BRF2: variants seen among roughly 807,000 people sequenced by gnomAD.
BRF2 encodes BRF2 general transcription factor IIIB subunit.
A neutral mutation model predicts 26.6 loss-of-function variants in BRF2; 17 were observed. The observed-to-expected ratio is 0.64, with a 90% CI of 0.44 to 0.96. The LOEUF (loss-of-function observed/expected upper bound fraction) is 0.96, where lower values mean the gene tolerates loss of function less well. Among genes scored for constraint, BRF2 ranks in the 40% least tolerant of loss-of-function variants. The pLI is 0.00. For missense variants in BRF2, 515 were observed against 537.0 expected (o/e 0.96, Z 0.40); for synonymous variants, 219 against 226.6 (o/e 0.97, Z 0.30).
Position 37,849,739 on chromosome 8 carries a change from C to G in BRF2, c.45G>C (p.Leu15=). 6.2e-7 allele frequency: 1 copy of G among 1,613,340 alleles called. No homozygotes were observed. Among genetic ancestry groups the G allele is most frequent in the Non-Finnish European group, 8.5e-7 (1 of 1,179,974 alleles). ...GRCPDCGSTE[L]VEDSHYSQSQ... ...TCTGCGAATAGTGCGAGTCTTCCAC[C>G]AGCTCCGTGGAGCCGCAGTCCGGGC... The change falls in exon 1 of 4, where the codon CTG becomes CTC. Residue 15 remains leucine (L), a synonymous_variant. Coordinates refer to ENST00000220659, the MANE Select transcript of BRF2 (RefSeq NM_018310.4).
At chr8:37,845,629 G>C in intron 3 of BRF2, 1 of 684,270 alleles carries the variant, frequency 1.5e-6, no homozygotes, top group Non-Finnish European at 2.6e-6. Flanking sequence ...AAAAAGAAAA[G>C]AACATAGCTA....
At position 37,849,712 on chromosome 8, in the gene BRF2, G is replaced by A. The variant is rs1295475845; in HGVS notation, c.72C>T (p.Ser24=). 2 of 1,613,710 alleles carry A rather than the reference G, an allele frequency of 1.2e-6. No individual in the cohort carries two copies. The highest frequency in any genetic ancestry group is 2.2e-5 in the East Asian group (1 of 44,882). ...ELVEDSHYSQ[S]QLVCSDCGCV... is the part of the protein sequence containing the mutation. ...AGCCGCAGTCGGAGCACACCAGCTG[G>A]CTCTGCGAATAGTGCGAGTCTTCCA... Residue 24 remains serine (S), a synonymous_variant, in exon 1 of 4, where the codon AGC becomes AGT. Transcript: ENST00000220659.
chr8:37,844,967 C>T lies in BRF2; in HGVS notation c.783G>A (p.Pro261=), dbSNP rs200302681. Residue 261 remains proline, a synonymous_variant, in exon 4 of 4, where the codon CCG becomes CCA. Transcript: ENST00000220659. ...CKLANVDLPY[P]ASSRLQELLA... is the part of the protein sequence containing the mutation. ...GCAGCTCCTGCAGGCGGGAGGACGC[C>T]GGGTAGGGCAGGTCCACATTTGCCA... 35 of 1,614,030 alleles carry T rather than the reference C, an allele frequency of 2.2e-5. No homozygotes were observed. The Middle Eastern group carries it at 6.6e-4, about 30-fold the overall frequency.
Position 37,846,838 on chromosome 8 carries a change from C to T in BRF2, c.536+16G>A. On this transcript the variant is annotated intron_variant, in intron 3 of 3. Transcript: ENST00000220659. ...CCCATCCCATCCCATCCTACTGTCT[C>T]CCACCAGGGACGTACCTGCTGCAAT... The T allele has an allele frequency of 6.3e-7, 1 of 1,592,540 alleles. No homozygotes were observed. Among genetic ancestry groups the T allele is most frequent in the Non-Finnish European group, 8.6e-7 (1 of 1,162,050 alleles).
In BRF2 at chr8:37,844,800, G is replaced by C. The variant is rs1190525418; in HGVS notation, c.950C>G (p.Ala317Gly). 1.9e-6 allele frequency: 3 copies of C among 1,614,136 alleles called. No individual in the cohort carries two copies. Among genetic ancestry groups the C allele is most frequent in the Non-Finnish European group, 2.5e-6 (3 of 1,180,024 alleles). Reference sequence around the variant, plus strand: ...CTCCTTCTCTCGGGTCTCCACTTCTGCTGTCCCATCCCGAAAGGCAGAGCG... The same window carrying C: ...CTCCTTCTCTCGGGTCTCCACTTCTCCTGTCCCATCCCGAAAGGCAGAGCG... ...LVRSAFRDGT[A>G]EVETREKEPP... Residue 317 changes from alanine (A) to glycine (G), a missense_variant, in exon 4 of 4, where the codon GCA becomes GGA. Transcript: ENST00000220659.
chr8:37,849,603 C>G, intron 1 of BRF2, 27 bp downstream of exon 1: 9 of 1,600,812 alleles, frequency 5.6e-6, no homozygotes, highest in Non-Finnish European at 7.7e-6. Flanking sequence ...CTCCACCGCC[C>G]CAGGCTGTCC....
At chr8:37,845,643 C>T in intron 3 of BRF2, 1 of 691,688 alleles carries the variant, frequency 1.4e-6, no homozygotes, top group South Asian at 1.5e-5. Context: ...ATAGCTACTT[C>T]AAATGAGAAA....
intron 1 of BRF2, 37 bp downstream of exon 1, chr8:37,849,593 C>T (rs1484258104): frequency 6.4e-7 from 1 of 1,572,356 alleles, no homozygotes; most frequent in South Asian, 1.1e-5. Context: ...ATGTTAATCC[C>T]TCCACCGCCC....
chr8:37,849,804 C>G lies in BRF2; in HGVS notation c.-21G>C. The G allele has an allele frequency of 6.3e-7, 1 of 1,592,354 alleles. No homozygotes were observed. Among genetic ancestry groups the G allele is most frequent in the Non-Finnish European group, 8.5e-7 (1 of 1,171,918 alleles). On this transcript the variant is annotated 5_prime_UTR_variant, in exon 1 of 4. Transcript: ENST00000220659. ...GGCATCTCACAACCGGCCCCAAAGCCGCGGAAGCCTTCAGAGACTCCTGGG... is the reference window on the plus strand; with the variant it reads ...GGCATCTCACAACCGGCCCCAAAGCGGCGGAAGCCTTCAGAGACTCCTGGG...
Position 37,845,190 on chromosome 8 carries a change from G to A in BRF2, c.560C>T (p.Pro187Leu). 6.2e-7 allele frequency: 1 copy of A among 1,611,630 alleles called. No homozygotes were observed. The highest frequency in any genetic ancestry group is 1.1e-5 in the South Asian group (1 of 91,052). Residue 187 changes from proline to leucine, a missense_variant, in exon 4 of 4, where the codon CCT becomes CTT. By Grantham distance (98) the Pro-to-Leu change is moderately conservative. Transcript: ENST00000220659. Reference sequence around the variant, plus strand: ...TTCCACGTATTTGGCTGGCACAGAAGGTGAAGCTTGGAACAGTTTGAAGCT... The same window carrying A: ...TTCCACGTATTTGGCTGGCACAGAAAGTGAAGCTTGGAACAGTTTGAAGCT... ...CSSFKLFQAS[P>L]SVPAKYVEDK...
intron 2 of BRF2, chr8:37,847,486 A>G: frequency 2.1e-6 from 1 of 467,110 alleles, no homozygotes; most frequent in Non-Finnish European, 4.1e-6. Flanking sequence ...CCCAAACCTT[A>G]TACTGAATTG....
Position 37,844,633 on chromosome 8 carries a change from G to A in BRF2, c.1117C>T (p.Pro373Ser), listed in dbSNP as rs762935126. 4 of 1,614,106 alleles carry A rather than the reference G, an allele frequency of 2.5e-6. No individual in the cohort carries two copies. In the Admixed American group the frequency reaches 5.0e-5, roughly 20 times the overall value. ...TCTCCAGTGACAGTGGAGACAGGGG[G>A]TACAGGGCAGATCCGCTTCGGGGAC... Reference protein sequence around the residue: ...LKSPKRICPVPPVSTVTGDEN... With the variant: ...LKSPKRICPVSPVSTVTGDEN... The change falls in exon 4 of 4, where the codon CCC (proline) becomes TCC (serine). Residue 373 changes from proline to serine, a missense_variant. Pro to Ser is a moderately conservative substitution (Grantham distance 74). Coordinates refer to ENST00000220659, the MANE Select transcript of BRF2 (RefSeq NM_018310.4).
In BRF2 at chr8:37,846,962, T is replaced by C. The variant is rs1225146517; in HGVS notation, c.428A>G (p.Tyr143Cys). The change falls in exon 3 of 4, where the codon TAT becomes TGT. Residue 143 changes from tyrosine to cysteine, a missense_variant. Physicochemically the swap from Tyr to Cys is radical, Grantham distance 194. Coordinates refer to ENST00000220659, the MANE Select transcript of BRF2 (RefSeq NM_018310.4). ...GCTAGAAAACACATCCAAATCTGCA[T>C]ACAACAGCGTGCAGATGGCCCCCAT... Reference protein sequence around the residue: ...LTMGAICTLLYADLDVFSSTY... With the variant: ...LTMGAICTLLCADLDVFSSTY... 6.2e-7 allele frequency: 1 copy of C among 1,613,980 alleles called. No homozygotes were observed. Among genetic ancestry groups the C allele is most frequent in the South Asian group, 1.1e-5 (1 of 91,086 alleles).
At chr8:37,848,743 T>A in intron 1 of BRF2, 88 bp from the exon 2 acceptor site, 1 of 1,082,022 alleles carries the variant, frequency 9.2e-7, no homozygotes, top group Non-Finnish European at 1.4e-6. Context: ...GACGCAAAAT[T>A]CAAATCATTG....
chr8:37,844,803 G>A lies in BRF2; in HGVS notation c.947C>T (p.Thr316Ile). The change falls in exon 4 of 4, where the codon ACA (threonine) becomes ATA (isoleucine). Residue 316 changes from threonine to isoleucine, a missense_variant. Physicochemically the swap from Thr to Ile is moderately conservative, Grantham distance 89. Coordinates refer to ENST00000220659, the MANE Select transcript of BRF2 (RefSeq NM_018310.4). ...SLVRSAFRDG[T>I]AEVETREKEP... is the part of the protein sequence containing the mutation. ...CTTCTCTCGGGTCTCCACTTCTGCT[G>A]TCCCATCCCGAAAGGCAGAGCGGAC... 6.2e-7 allele frequency: 1 copy of A among 1,614,130 alleles called. No homozygotes were observed. Among genetic ancestry groups the A allele is most frequent in the Non-Finnish European group, 8.5e-7 (1 of 1,180,028 alleles).
At position 37,846,970 on chromosome 8, in the gene BRF2, C is replaced by T. The variant is rs759327829; in HGVS notation, c.420G>A (p.Thr140=). Residue 140 remains threonine (T), a synonymous_variant, in exon 3 of 4, where the codon ACG becomes ACA. Transcript: ENST00000220659. ...NWPLTMGAIC[T]LLYADLDVFS... The stretch of plus-strand genomic sequence containing the variant: ...ACACATCCAAATCTGCATACAACAG[C>T]GTGCAGATGGCCCCCATTGTTAGGG... The T allele has an allele frequency of 1.8e-5, 29 of 1,613,964 alleles. No homozygotes were observed. The highest frequency in any genetic ancestry group is 4.0e-5 in the African/African-American group (3 of 74,928).
chr8:37,845,201 G>T lies in BRF2; in HGVS notation c.549C>A (p.Phe183Leu). 1 of 1,609,496 alleles carries T rather than the reference G, an allele frequency of 6.2e-7. No individual in the cohort carries two copies. Among genetic ancestry groups the T allele is most frequent in the Non-Finnish European group, 8.5e-7 (1 of 1,176,826 alleles). The change falls in exon 4 of 4, where the codon TTC (phenylalanine) becomes TTA (leucine). Residue 183 changes from phenylalanine to leucine, a missense_variant. Phe to Leu is a conservative substitution (Grantham distance 22). Transcript: ENST00000220659. ...TGGCTGGCACAGAAGGTGAAGCTTG[G>T]AACAGTTTGAAGCTGAAATAACCAA... ...VKTYCSSFKL[F>L]QASPSVPAKY... is the part of the protein sequence containing the mutation.
At chr8:37,848,745 A>C in intron 1 of BRF2, 90 bp from the exon 2 acceptor site, 2 of 1,063,982 alleles carry the variant, frequency 1.9e-6, no homozygotes, top group Non-Finnish European at 2.9e-6. Flanking sequence ...CGCAAAATTC[A>C]AATCATTGAG....
intron 3 of BRF2, 31 bp downstream of exon 3, chr8:37,846,822 TC>T: frequency 6.6e-7 from 1 of 1,511,682 alleles, no homozygotes; most frequent in Non-Finnish European, 9.2e-7. Context: ...ACCCATCCCA[TC>T]CCATCCTACT....
Sources: gnomAD v4.1 joint callset for allele counts on GRCh38, gnomAD v4.1.1 for gene constraint, MANE v1.5 for transcripts, NCBI Gene and HGNC (gene_info 2026-07-23, HGNC 2026-07-21) for gene names.